Variants in DLG2 observed in about 807,000 individuals in gnomAD.
DLG2 encodes discs large MAGUK scaffold protein 2, also known as disks large homolog 2.
In DLG2, 45 loss-of-function variants were observed where a neutral mutation model predicts 132.5. That is an observed-to-expected ratio of 0.34 (90% CI 0.27 to 0.44). The LOEUF is 0.44. DLG2 is among the 20% of genes least tolerant of loss of function. The pLI, the probability that DLG2 is intolerant of heterozygous loss-of-function variation, is 1.00. For missense variants in DLG2, 1,045 were observed against 1,196.9 expected (o/e 0.87, Z 1.87); for synonymous variants, 424 against 419.6 (o/e 1.01, Z -0.13).
intron 18 of DLG2, among the ~76,000 whole-genome samples, chr11:83,729,949 T>A (rs2090698320): frequency 6.6e-6 from 1 of 152,146 alleles, no homozygotes; most frequent in South Asian, 2.1e-4. Context: ...AAGTCACTTG[T>A]ATCAGAAAAG....
chr11:84,591,323 T>TG (rs960534715), intron 6 of DLG2, among the ~76,000 whole-genome samples: 6 of 151,624 alleles, frequency 4.0e-5, no homozygotes, highest in African/African-American at 1.2e-4. Context: ...TGTTTTTTTT[T>TG]TTTTGTTTTG....
intron 7 of DLG2, chr11:84,317,178 G>T: frequency 6.3e-7 from 1 of 1,575,972 alleles, no homozygotes. Flanking sequence ...CCTTTGGTCA[G>T]CTCTGCACAG....
intron 19 of DLG2, among the ~76,000 whole-genome samples, chr11:83,620,191 G>A (rs2061411209): frequency 6.6e-6 from 1 of 152,032 alleles, no homozygotes. Context: ...AAGCAATCTG[G>A]TTTGAAACAA....
intron 3 of DLG2, among the ~76,000 whole-genome samples, chr11:85,496,906 A>G (rs915113740): frequency 6.6e-6 from 1 of 152,164 alleles, no homozygotes; most frequent in Non-Finnish European, 1.5e-5. Context: ...ACGTCCACTC[A>G]GAGACTACAG....
chr11:84,576,574 T>C (rs545884213), intron 6 of DLG2, among the ~76,000 whole-genome samples: 2 of 152,266 alleles, frequency 1.3e-5, no homozygotes, highest in East Asian at 3.9e-4. Flanking sequence ...TTGCAGTCAC[T>C]TAATAAGGTC....
chr11:84,168,421 T>G (rs2095724304), intron 8 of DLG2, among the ~76,000 whole-genome samples: 2 of 152,240 alleles, frequency 1.3e-5, no homozygotes, highest in Admixed American at 6.5e-5. Flanking sequence ...TATTATTGTT[T>G]TAGCATCTAG....
chr11:84,655,661 C>A (rs2099687242), intron 6 of DLG2, among the ~76,000 whole-genome samples: 1 of 151,494 alleles, frequency 6.6e-6, no homozygotes, highest in Non-Finnish European at 1.5e-5. Flanking sequence ...TGACCATGAG[C>A]AATTCAAAAT....
At chr11:85,226,490 C>A (rs1240849235) in intron 4 of DLG2, among the ~76,000 whole-genome samples, 1 of 151,968 alleles carries the variant, frequency 6.6e-6, no homozygotes, top group Non-Finnish European at 1.5e-5. Context: ...GAGTTCAAGG[C>A]TACAGTGAGC....
chr11:85,566,826 C>A (rs12420907), intron 3 of DLG2, among the ~76,000 whole-genome samples: 29,962 of 152,012 alleles, frequency 0.2, 3,334 homozygotes, highest in African/African-American at 0.28. Flanking sequence ...GGTCTCTAAT[C>A]CCCTTTGAGT....
chr11:85,066,374 G>C (rs1044153380), intron 6 of DLG2, among the ~76,000 whole-genome samples: 2 of 151,590 alleles, frequency 1.3e-5, no homozygotes, highest in South Asian at 2.1e-4. Context: ...ATGTACAAAA[G>C]ACAGTGGTAC....
At chr11:84,904,465 T>C (rs2091273898) in intron 6 of DLG2, among the ~76,000 whole-genome samples, 1 of 152,212 alleles carries the variant, frequency 6.6e-6, no homozygotes, top group African/African-American at 2.4e-5. Context: ...TCAGATCTTA[T>C]TTTTTAACTA....
chr11:84,591,221 C>CTGTGTGTG lies in DLG2; in HGVS notation c.358-56491_358-56490insCACACACA, dbSNP rs777029147. Among the ~76,000 whole-genome samples, 79 of 25,488 alleles carry CTGTGTGTG rather than the reference C, an allele frequency of 3.1e-3. 1 individual carries two copies. Among genetic ancestry groups the CTGTGTGTG allele is most frequent in the South Asian group, 0.013 (6 of 452 alleles). 16.7% of individuals were successfully genotyped at this position (25,488 alleles called of 152,430 possible). The stretch of plus-strand genomic sequence containing the variant: ...TATAAACACTGCTATATATGTGTCT[C>CTGTGTGTG]TCTGTGTGTGTGTGTGTGTGTGTGT... On this transcript the variant is annotated intron_variant, in intron 6 of 27. Transcript: ENST00000376104.
At chr11:84,322,115 T>G (rs1320028571) in intron 7 of DLG2, among the ~76,000 whole-genome samples, 1 of 152,188 alleles carries the variant, frequency 6.6e-6, no homozygotes, top group Non-Finnish European at 1.5e-5. Flanking sequence ...TAACCCTAAT[T>G]GAAATAAATC....
chr11:83,958,612 T>G (rs552618466), intron 14 of DLG2, among the ~76,000 whole-genome samples: 1 of 152,274 alleles, frequency 6.6e-6, no homozygotes, highest in South Asian at 2.1e-4. Flanking sequence ...CATTACCAAT[T>G]TTTTTGTTTC....
At chr11:84,854,440 T>A (rs909690088) in intron 6 of DLG2, among the ~76,000 whole-genome samples, 1 of 151,998 alleles carries the variant, frequency 6.6e-6, no homozygotes, top group African/African-American at 2.4e-5. Flanking sequence ...AAGTAGCAGA[T>A]GATGCTACCA....
At chr11:85,569,904 T>C (rs2077746364) in intron 3 of DLG2, among the ~76,000 whole-genome samples, 1 of 152,068 alleles carries the variant, frequency 6.6e-6, no homozygotes, top group African/African-American at 2.4e-5. Context: ...AATAGATCAC[T>C]ATACCAAAAA....
intron 11 of DLG2, among the ~76,000 whole-genome samples, chr11:84,028,900 T>C (rs1321320700): frequency 1.3e-5 from 2 of 152,124 alleles, no homozygotes; most frequent in African/African-American, 4.8e-5. Flanking sequence ...TGTGAGCCTC[T>C]TGAAGAAAAT....
chr11:84,743,237 G>A (rs899967732), intron 6 of DLG2, among the ~76,000 whole-genome samples: 2 of 152,008 alleles, frequency 1.3e-5, no homozygotes, highest in African/African-American at 2.4e-5. Flanking sequence ...AACAGTTTAT[G>A]TTATTCCTAA....
At chr11:84,200,917 T>C (rs1055283196) in intron 8 of DLG2, among the ~76,000 whole-genome samples, 9 of 152,266 alleles carry the variant, frequency 5.9e-5, no homozygotes, top group African/African-American at 2.2e-4. Context: ...CTTCCTCTCT[T>C]TCTACTTGAA....
Sources: allele counts gnomAD v4.1 joint callset (sites outside exome capture counted in the v4.1 genomes callset), GRCh38; gene constraint gnomAD v4.1.1; transcripts MANE v1.5; gene names NCBI Gene and HGNC (gene_info 2026-07-23, HGNC 2026-07-21).